Variants in PHACTR1 observed in about 807,000 individuals in gnomAD.
The protein encoded by PHACTR1 is phosphatase and actin regulator 1.
In PHACTR1, 16 loss-of-function variants were observed where a neutral mutation model predicts 69.2. The ratio of observed to expected loss-of-function variants is 0.23; its 90% CI spans 0.16 to 0.35. The LOEUF is 0.35. PHACTR1 is among the 10% of genes least tolerant of loss of function. The pLI is 1.00. For synonymous variants in PHACTR1, 312 were observed against 284.5 expected, an observed-to-expected ratio of 1.10 and a Z score of -0.97; for missense variants, 510 against 734.7, an observed-to-expected ratio of 0.69 and a Z score of 3.54.
chr6:12,890,819 T>A (rs1784102585), intron 4 of PHACTR1, among the ~76,000 whole-genome samples: 1 of 152,210 alleles, frequency 6.6e-6, no homozygotes. Flanking sequence ...TTTTTCAGTA[T>A]CTCTATATTA....
At chr6:13,009,150 T>C (rs1204253929) in intron 4 of PHACTR1, among the ~76,000 whole-genome samples, 2 of 152,230 alleles carry the variant, frequency 1.3e-5, no homozygotes, top group Admixed American at 1.3e-4. Context: ...CACTTCTCAC[T>C]GGATTTAGAA....
At chr6:12,944,378 G>A (rs1790375008) in intron 4 of PHACTR1, among the ~76,000 whole-genome samples, 1 of 152,126 alleles carries the variant, frequency 6.6e-6, no homozygotes, top group Non-Finnish European at 1.5e-5. Context: ...ATACTAAGGA[G>A]GATAAAATAA....
At chr6:12,862,923 C>G (rs1318635310) in intron 4 of PHACTR1, among the ~76,000 whole-genome samples, 1 of 152,210 alleles carries the variant, frequency 6.6e-6, no homozygotes, top group Non-Finnish European at 1.5e-5. Flanking sequence ...GAACAGTGAC[C>G]TCTTCTTTGG....
At chr6:13,132,897 A>G (rs772808845) in intron 5 of PHACTR1, among the ~76,000 whole-genome samples, 6 of 152,110 alleles carry the variant, frequency 3.9e-5, no homozygotes, top group Non-Finnish European at 8.8e-5. Flanking sequence ...AGCTTGTAGC[A>G]TTGATTGACC....
intron 4 of PHACTR1, among the ~76,000 whole-genome samples, chr6:12,883,152 T>C (rs1783268317): frequency 6.6e-6 from 1 of 152,154 alleles, no homozygotes; most frequent in South Asian, 2.1e-4. Context: ...AGCCCCTGCC[T>C]GAGGGAGAGC....
At chr6:12,890,127 T>C (rs1048879332) in intron 4 of PHACTR1, among the ~76,000 whole-genome samples, 2 of 152,178 alleles carry the variant, frequency 1.3e-5, no homozygotes, top group African/African-American at 2.4e-5. Context: ...TAGATTCTCA[T>C]AGGAACGTGA....
At chr6:12,734,652 C>T (rs747089055) in intron 3 of PHACTR1, among the ~76,000 whole-genome samples, 10 of 151,984 alleles carry the variant, frequency 6.6e-5, no homozygotes, top group Non-Finnish European at 1.2e-4. Context: ...TTATAAAGTA[C>T]CACAAGGTGA....
At chr6:13,032,733 G>A (rs1052373421) in intron 4 of PHACTR1, among the ~76,000 whole-genome samples, 2 of 151,622 alleles carry the variant, frequency 1.3e-5, no homozygotes, top group African/African-American at 4.8e-5. Flanking sequence ...CTCCCGCCTC[G>A]GCCTCACGAG....
At chr6:13,285,834 T>G (rs1440690017) in intron 13 of PHACTR1, among the ~76,000 whole-genome samples, 1 of 152,164 alleles carries the variant, frequency 6.6e-6, no homozygotes, top group Non-Finnish European at 1.5e-5. Flanking sequence ...GAATGTGTTC[T>G]TGGGCCCCCA....
chr6:13,041,542 A>T (rs1358302679), intron 4 of PHACTR1, among the ~76,000 whole-genome samples: 1 of 152,188 alleles, frequency 6.6e-6, no homozygotes, highest in East Asian at 1.9e-4. Flanking sequence ...TAATGTCATC[A>T]GAGAGAGAAA....
At chr6:12,875,763 T>A (rs1782469473) in intron 4 of PHACTR1, among the ~76,000 whole-genome samples, 1 of 152,212 alleles carries the variant, frequency 6.6e-6, no homozygotes, top group African/African-American at 2.4e-5. Context: ...TAAACCTGGC[T>A]TGTGTTGTCA....
At chr6:13,057,142 T>C (rs1806915576) in intron 5 of PHACTR1, among the ~76,000 whole-genome samples, 1 of 152,162 alleles carries the variant, frequency 6.6e-6, no homozygotes, top group Admixed American at 6.5e-5. Flanking sequence ...AAAAGAAGAA[T>C]TGGAATGTTC....
intron 4 of PHACTR1, among the ~76,000 whole-genome samples, chr6:12,806,025 A>G (rs984326191): frequency 2.0e-5 from 3 of 152,108 alleles, no homozygotes; most frequent in Non-Finnish European, 2.9e-5. Flanking sequence ...CCAAATCCCA[A>G]TTTTATGGTC....
At chr6:13,147,187 A>G (rs1823513682) in intron 5 of PHACTR1, among the ~76,000 whole-genome samples, 1 of 152,228 alleles carries the variant, frequency 6.6e-6, no homozygotes, top group Non-Finnish European at 1.5e-5. Flanking sequence ...TAAGGGACCA[A>G]TAAATGGAGA....
chr6:13,152,289 G>A (rs12206342), intron 5 of PHACTR1, among the ~76,000 whole-genome samples: 74,969 of 151,566 alleles, frequency 0.49, 19,734 homozygotes, highest in East Asian at 0.66. Context: ...TGTCAAGATC[G>A]AGCCATTGCA....
chr6:12,945,397 A>G (rs1356186079), intron 4 of PHACTR1, among the ~76,000 whole-genome samples: 1 of 152,238 alleles, frequency 6.6e-6, no homozygotes, highest in Non-Finnish European at 1.5e-5. Context: ...AGCAGGAATT[A>G]TGTTCATCTT....
At chr6:13,100,439 TA>T (rs1298337919) in intron 5 of PHACTR1, among the ~76,000 whole-genome samples, 2 of 152,176 alleles carry the variant, frequency 1.3e-5, no homozygotes, top group Admixed American at 1.3e-4. Flanking sequence ...CACCATTCAG[TA>T]AAGGAGTGGA....
rs10664160 is a variant in PHACTR1, at chr6:13,073,331, A to ATTTTTTTTTTTTTTTTTTTTTTTTT, written c.415+19808_415+19832dup. 3.0e-5 allele frequency among the ~76,000 whole-genome samples: 2 copies of ATTTTTTTTTTTTTTTTTTTTTTTTT among 65,692 alleles called. 1 individual carries two copies. Among genetic ancestry groups the ATTTTTTTTTTTTTTTTTTTTTTTTT allele is most frequent in the African/African-American group, 1.4e-4 (2 of 14,716 alleles). 43.1% of individuals were successfully genotyped at this position (65,692 alleles called of 152,430 possible). A position where few individuals can be genotyped will look rare whatever the true frequency, so the allele number is the denominator to read the frequency against. ...ATTCCTTCAACCAATCATTCCATGA[A>ATTTTTTTTTTTTTTTTTTTTTTTTT]TTTTTTTTTTTTTTTTTTTTTTTTT... On this transcript the variant is annotated intron_variant, in intron 5 of 14. Transcript: ENST00000332995.
chr6:12,773,260 A>G (rs775173723), intron 4 of PHACTR1, among the ~76,000 whole-genome samples: 20 of 152,216 alleles, frequency 1.3e-4, no homozygotes, highest in Non-Finnish European at 2.8e-4. Context: ...ATTTGATGCC[A>G]GGATTTCTTA....
Sources: allele counts gnomAD v4.1 joint callset (sites outside exome capture counted in the v4.1 genomes callset), GRCh38; gene constraint gnomAD v4.1.1; transcripts MANE v1.5; gene names NCBI Gene and HGNC (gene_info 2026-07-23, HGNC 2026-07-21).